The following KCNMA1 variants were observed in gnomAD, a reference collection of about 807,000 sequenced individuals.
KCNMA1 encodes Calcium-activated potassium channel subunit alpha-1.
Under a neutral mutation model 140.0 loss-of-function variants are expected in KCNMA1, and 29 were observed. The ratio of observed to expected loss-of-function variants is 0.21; its 90% CI spans 0.15 to 0.28. KCNMA1 has a LOEUF of 0.28. Among genes scored for constraint, KCNMA1 ranks in the 10% least tolerant of loss-of-function variants. The probability of loss-of-function intolerance (pLI) is 1.00; values close to 1 mark genes in which losing one functional copy is unlikely to be tolerated. For synonymous variants in KCNMA1, 612 were observed against 611.9 expected (o/e 1.00, Z 0.00); for missense variants, 880 against 1,602.2 (o/e 0.55, Z 7.70).
At chr10:77,582,546 T>C (rs2154563201) in intron 1 of KCNMA1, among the ~76,000 whole-genome samples, 1 of 152,344 alleles carries the variant, frequency 6.6e-6, no homozygotes, top group African/African-American at 2.4e-5. Context: ...AACCTGCATG[T>C]TCTGCACCTG....
At chr10:77,522,033 G>C (rs2053564166) in intron 1 of KCNMA1, among the ~76,000 whole-genome samples, 1 of 152,080 alleles carries the variant, frequency 6.6e-6, no homozygotes, top group Admixed American at 6.6e-5. Context: ...AAATTAGCCA[G>C]GCGTGGTGGC....
At chr10:77,514,268 T>C (rs2049500626) in intron 1 of KCNMA1, among the ~76,000 whole-genome samples, 1 of 152,148 alleles carries the variant, frequency 6.6e-6, no homozygotes, top group African/African-American at 2.4e-5. Flanking sequence ...TAGCCAGGCC[T>C]CACCAGAAGA....
chr10:77,300,061 T>C (rs2076189294), intron 2 of KCNMA1, among the ~76,000 whole-genome samples: 1 of 152,190 alleles, frequency 6.6e-6, no homozygotes, highest in South Asian at 2.1e-4. Context: ...AAATAATCCC[T>C]TGGCCTCAGG....
At chr10:77,286,198 T>A (rs1169494051) in intron 2 of KCNMA1, among the ~76,000 whole-genome samples, 2 of 152,242 alleles carry the variant, frequency 1.3e-5, no homozygotes, top group African/African-American at 2.4e-5. Flanking sequence ...GGAAAGCCCA[T>A]CTCACTTGCT....
At chr10:76,871,976 T>C (rs1415790704) in exon 28 of KCNMA1, 1 of 152,190 alleles carries the variant, frequency 6.6e-6, no homozygotes, top group African/African-American at 2.4e-5. Context: ...ACAAATATTT[T>C]ATGAGTGCTA....
chr10:77,134,921 C>G (rs1352460179), intron 5 of KCNMA1, among the ~76,000 whole-genome samples: 1 of 132,326 alleles, frequency 7.6e-6, no homozygotes, highest in Non-Finnish European at 1.6e-5. Context: ...TGGCGTGAAC[C>G]CGGGAGGTGG....
chr10:76,913,480 A>C (rs1318125795), intron 24 of KCNMA1: 2 of 152,586 alleles, frequency 1.3e-5, no homozygotes, highest in Non-Finnish European at 2.9e-5. Context: ...CTTTAGTAAA[A>C]AAAGTTCTCC....
At chr10:77,256,816 T>C (rs1283820958) in intron 2 of KCNMA1, among the ~76,000 whole-genome samples, 2 of 152,164 alleles carry the variant, frequency 1.3e-5, no homozygotes, top group Non-Finnish European at 2.9e-5. Context: ...AATTGAAGTA[T>C]ATAATTTACA....
chr10:77,581,370 G>A (rs1036956275), intron 1 of KCNMA1, among the ~76,000 whole-genome samples: 16 of 151,790 alleles, frequency 1.1e-4, no homozygotes, highest in Non-Finnish European at 2.1e-4. Flanking sequence ...GTGCAGTGGC[G>A]TGATCTCGGC....
intron 19 of KCNMA1, among the ~76,000 whole-genome samples, chr10:76,994,759 G>A (rs546864875): frequency 3.9e-5 from 6 of 152,344 alleles, no homozygotes; most frequent in African/African-American, 1.4e-4. Flanking sequence ...GGGAGTCAAA[G>A]ATCCCAAATG....
At chr10:77,637,095 TGCCCC>T in intron 1 of KCNMA1, 165 bp downstream of exon 1, 1 of 1,300,108 alleles carries the variant, frequency 7.7e-7, no homozygotes, top group Non-Finnish European at 1.0e-6. Flanking sequence ...CGCCGCCCGC[TGCCCC>T]GATCCGAGAG....
chr10:77,489,201 T>C (rs2098502117), intron 1 of KCNMA1, among the ~76,000 whole-genome samples: 2 of 152,238 alleles, frequency 1.3e-5, no homozygotes, highest in East Asian at 3.8e-4. Context: ...AATAATTTTT[T>C]AGCATAAGTA....
chr10:77,199,750 G>A (rs2041855385), intron 3 of KCNMA1, among the ~76,000 whole-genome samples: 1 of 152,126 alleles, frequency 6.6e-6, no homozygotes, highest in Admixed American at 6.6e-5. Flanking sequence ...GGCTAAGCTT[G>A]GGCAGAGAGA....
chr10:77,532,862 G>C (rs1426505123), intron 1 of KCNMA1, among the ~76,000 whole-genome samples: 3 of 152,268 alleles, frequency 2.0e-5, no homozygotes, highest in Non-Finnish European at 4.4e-5. Flanking sequence ...CTCTATGAGA[G>C]ACTAACTTCT....
intron 14 of KCNMA1, among the ~76,000 whole-genome samples, chr10:77,063,152 G>A (rs2095817696): frequency 6.6e-6 from 1 of 152,170 alleles, no homozygotes; most frequent in South Asian, 2.1e-4. Context: ...GGTGGCTCAT[G>A]CTGTAATCCC....
intron 2 of KCNMA1, among the ~76,000 whole-genome samples, chr10:77,318,365 T>C (rs1485364826): frequency 6.6e-6 from 1 of 152,154 alleles, no homozygotes; most frequent in African/African-American, 2.4e-5. Context: ...TCAAGATGCA[T>C]AGCCAGTGAT....
At chr10:77,173,888 T>C (rs1055758053) in intron 5 of KCNMA1, among the ~76,000 whole-genome samples, 2 of 152,110 alleles carry the variant, frequency 1.3e-5, no homozygotes, top group Non-Finnish European at 2.9e-5. Context: ...CTTTTGGTCA[T>C]AGCGGTTGAG....
At chr10:77,083,204 A>G (rs866127897) in intron 12 of KCNMA1, among the ~76,000 whole-genome samples, 3 of 152,152 alleles carry the variant, frequency 2.0e-5, no homozygotes, top group African/African-American at 7.2e-5. Context: ...GCTTCCCTTT[A>G]TCATTTCCTC....
chr10:77,536,905 A>G (rs1048968749), intron 1 of KCNMA1, among the ~76,000 whole-genome samples: 8 of 152,232 alleles, frequency 5.3e-5, no homozygotes, highest in Admixed American at 2.0e-4. Flanking sequence ...ATGACTGGGA[A>G]AAACCAAACA....
Sources: allele counts gnomAD v4.1 joint callset (sites outside exome capture counted in the v4.1 genomes callset), GRCh38; gene constraint gnomAD v4.1.1; transcripts MANE v1.5; gene names NCBI Gene and HGNC (gene_info 2026-07-23, HGNC 2026-07-21).